Variants in PTGR2 observed in about 807,000 individuals in gnomAD.
PTGR2 encodes prostaglandin reductase 2.
In PTGR2, 32 loss-of-function variants were observed where a neutral mutation model predicts 43.4. The ratio of observed to expected loss-of-function variants is 0.74; its 90% confidence interval spans 0.56 to 0.99. PTGR2 has a LOEUF of 0.99. Ranked by LOEUF, PTGR2 falls within the 50% of genes least tolerant of loss-of-function variation. PTGR2 has a pLI of 0.00. For missense variants in PTGR2, 373 were observed against 420.0 expected (o/e 0.89, Z 0.98); for synonymous variants, 106 against 139.2 (o/e 0.76, Z 1.68).
chr14:73,858,671 C>T (rs1158073482), intron 1 of PTGR2, 145 bp from the exon 2 acceptor site: 3 of 415,510 alleles, frequency 7.2e-6, no homozygotes, highest in Non-Finnish European at 1.3e-5. Context: ...CTTTAGGAGG[C>T]AAACTCTGAC....
At position 73,874,036 on chromosome 14, in the gene PTGR2, A is replaced by G. The variant is rs1225907055; in HGVS notation, c.170A>G (p.Asn57Ser). 6.3e-7 allele frequency: 1 copy of G among 1,592,128 alleles called. No homozygotes were observed. Residue 57 changes from asparagine (N) to serine (S), a missense_variant, in exon 4 of 10, where the codon AAT becomes AGT. Asn to Ser is a conservative substitution (Grantham distance 46, BLOSUM62 1). Transcript: ENST00000555661. Reference sequence around the variant, plus strand: ...TTCTTTTTTCAGCGTTGTAGAATGAATGAAGACACTGGCACTGATTATATA... The same window carrying G: ...TTCTTTTTTCAGCGTTGTAGAATGAGTGAAGACACTGGCACTGATTATATA... Reference protein sequence around the residue: ...SVDPYMRCRMNEDTGTDYITP... With the variant: ...SVDPYMRCRMSEDTGTDYITP...
chr14:73,865,209 C>T (rs534235709), intron 3 of PTGR2, among the ~76,000 whole-genome samples: 4 of 152,212 alleles, frequency 2.6e-5, no homozygotes, highest in South Asian at 2.1e-4. Flanking sequence ...CTGGAAGGCC[C>T]GACAACCAAG....
intron 1 of PTGR2, among the ~76,000 whole-genome samples, chr14:73,854,786 T>G (rs2054306241): frequency 6.6e-6 from 1 of 152,210 alleles, no homozygotes. Flanking sequence ...GAAAGTTTCC[T>G]TTTTAAAACA....
chr14:73,864,789 T>C (rs189572090), intron 3 of PTGR2, among the ~76,000 whole-genome samples: 3 of 152,192 alleles, frequency 2.0e-5, no homozygotes, highest in Non-Finnish European at 2.9e-5. Context: ...CAAAAGTTTT[T>C]AATTTTGATA....
chr14:73,878,269 T>C (rs1436667873), intron 5 of PTGR2: 1 of 152,182 alleles, frequency 6.6e-6, no homozygotes. Context: ...GCTTGAAAAA[T>C]AATGAATTGC....
At chr14:73,877,214 G>C in intron 5 of PTGR2, 46 bp downstream of exon 5, 5 of 1,499,508 alleles carry the variant, frequency 3.3e-6, no homozygotes, top group Non-Finnish European at 4.6e-6. Context: ...TTTGACGATT[G>C]TTATAATTCT....
In PTGR2 at chr14:73,881,328, T is replaced by C. The variant is rs1365227896; in HGVS notation, c.939+36T>C. 2.5e-6 allele frequency: 3 copies of C among 1,222,738 alleles called. No homozygotes were observed. In the African/African-American group the frequency reaches 4.5e-5, roughly 18 times the overall value. The allele number at this position is 1,222,738 out of a possible 1,614,324, so 75.7% of individuals were successfully genotyped here. On this transcript the variant is annotated intron_variant, in intron 8 of 9. Coordinates refer to ENST00000555661, the MANE Select transcript of PTGR2 (RefSeq NM_001146154.2). Reference sequence around the variant, plus strand: ...TATTCTTTATCAATATAATTCTTCCTGCTACTTGATATAATTTTGCATTAT... The same window carrying C: ...TATTCTTTATCAATATAATTCTTCCCGCTACTTGATATAATTTTGCATTAT...
At chr14:73,860,680 T>G in intron 3 of PTGR2, 23 bp downstream of exon 3, 1 of 1,093,740 alleles carries the variant, frequency 9.1e-7, no homozygotes, top group Non-Finnish European at 1.4e-6. Context: ...ATGTTGTAAC[T>G]TGGTGAAAAA....
chr14:73,872,065 CT>C (rs1194341313), intron 3 of PTGR2, among the ~76,000 whole-genome samples: 3 of 152,118 alleles, frequency 2.0e-5, no homozygotes, highest in Non-Finnish European at 4.4e-5. Context: ...TTTCCATTTC[CT>C]GGTCCGTGCT....
chr14:73,859,676 TTTA>T (rs1247112867), intron 2 of PTGR2, among the ~76,000 whole-genome samples: 2 of 151,926 alleles, frequency 1.3e-5, no homozygotes, highest in East Asian at 3.8e-4. Context: ...TTTTTCAGAC[TTTA>T]TTATTATTAC....
At chr14:73,864,672 G>T (rs922710336) in intron 3 of PTGR2, among the ~76,000 whole-genome samples, 2 of 152,072 alleles carry the variant, frequency 1.3e-5, no homozygotes, top group African/African-American at 4.8e-5. Flanking sequence ...TGTAAGAGTT[G>T]TTTATATATT....
chr14:73,871,525 A>T (rs1479189618), intron 3 of PTGR2, among the ~76,000 whole-genome samples: 2 of 151,906 alleles, frequency 1.3e-5, no homozygotes, highest in African/African-American at 2.4e-5. Context: ...ACCAAAGGAG[A>T]GGGTAGAGTG....
At chr14:73,878,780 G>A (rs772359841) in intron 5 of PTGR2, 3 of 349,730 alleles carry the variant, frequency 8.6e-6, no homozygotes, top group Non-Finnish European at 1.6e-5. Flanking sequence ...AAGCTATGAT[G>A]TTCAGTAGGT....
chr14:73,858,564 A>G (rs2054415926), intron 1 of PTGR2: 1 of 261,368 alleles, frequency 3.8e-6, no homozygotes, highest in Admixed American at 4.7e-5. Context: ...AAAATAAATA[A>G]ATAAATAAAC....
intron 4 of PTGR2, 105 bp downstream of exon 4, chr14:73,874,319 A>C: frequency 1.1e-6 from 1 of 950,124 alleles, no homozygotes; most frequent in Non-Finnish European, 1.5e-6. Flanking sequence ...AAAAGCATAT[A>C]TTTTCTTTTA....
chr14:73,870,423 G>T (rs1180328863), intron 3 of PTGR2, among the ~76,000 whole-genome samples: 1 of 151,834 alleles, frequency 6.6e-6, no homozygotes, highest in East Asian at 1.9e-4. Flanking sequence ...CAGGTGATCT[G>T]CCCGCCTTGG....
In PTGR2 at chr14:73,884,098, C is replaced by T; in HGVS notation, c.980-3C>T. The T allele has an allele frequency of 6.3e-7, 1 of 1,591,212 alleles. No individual in the cohort carries two copies. Among genetic ancestry groups the T allele is most frequent in the Non-Finnish European group, 8.6e-7 (1 of 1,166,536 alleles). The stretch of plus-strand genomic sequence containing the variant: ...TCAGATAACCTACTTTCTCTTTTTC[C>T]AGCTGCATTCCAGTCCATGATGACA... On this transcript the variant is annotated splice_polypyrimidine_tract_variant and splice_region_variant and intron_variant, in intron 9 of 9. Transcript: ENST00000555661.
At chr14:73,858,678 T>C in intron 1 of PTGR2, 138 bp from the exon 2 acceptor site, 1 of 423,546 alleles carries the variant, frequency 2.4e-6, no homozygotes, top group Non-Finnish European at 4.3e-6. Flanking sequence ...AGGCAAACTC[T>C]GACAGGCGAG....
chr14:73,882,459 T>C lies in PTGR2; in HGVS notation c.979+21T>C, dbSNP rs748577001. 5 of 1,451,908 alleles carry C rather than the reference T, an allele frequency of 3.4e-6. No individual in the cohort carries two copies. In the African/African-American group the frequency reaches 4.2e-5, roughly 12 times the overall value. 89.9% of individuals were successfully genotyped at this position (1,451,908 alleles called of 1,614,324 possible). The stretch of plus-strand genomic sequence containing the variant: ...GGGAGGTAAGATGAATGTAGACTTA[T>C]TATATACACATGCTCAGCACACAAA... On this transcript the variant is annotated intron_variant, in intron 9 of 9. Coordinates refer to ENST00000555661, the MANE Select transcript of PTGR2 (RefSeq NM_001146154.2).
Sources: gnomAD v4.1 joint callset for allele counts (sites outside exome capture counted in the v4.1 genomes callset) on GRCh38, gnomAD v4.1.1 for gene constraint, MANE v1.5 for transcripts, NCBI Gene and HGNC (gene_info 2026-07-23, HGNC 2026-07-21) for gene names.